The following BCAS3 variants were observed in gnomAD, a reference collection of about 807,000 sequenced individuals.
BCAS3 encodes BCAS3 microtubule associated cell migration factor.
BCAS3 carries 53 observed loss-of-function variants against 116.1 expected under a neutral mutation model. That is an observed-to-expected ratio of 0.46 (90% CI 0.37 to 0.57). The LOEUF is 0.57. BCAS3 is among the 20% of genes least tolerant of loss of function. BCAS3 has a pLI of 0.00. For missense variants in BCAS3, 917 were observed against 1,165.4 expected (o/e 0.79, Z 3.10); for synonymous variants, 391 against 408.2 (o/e 0.96, Z 0.51).
At chr17:61,374,993 A>G (rs2143571491) in intron 23 of BCAS3, among the ~76,000 whole-genome samples, 1 of 152,332 alleles carries the variant, frequency 6.6e-6, no homozygotes, top group African/African-American at 2.4e-5. Flanking sequence ...ATTACTCTGC[A>G]GAAAAGGCTT....
chr17:61,325,115 A>G lies in BCAS3; in HGVS notation c.2426-43212A>G, dbSNP rs911997655. The stretch of plus-strand genomic sequence containing the variant: ...AAAACCCCGCTCCCTCCACTGCCAA[A>G]TGAGTTGCTGATGGGAATTTTTTGA... On this transcript the variant is annotated intron_variant, in intron 22 of 23. Transcript: ENST00000407086. The surrounding 1 kb of genome is among the most constrained non-coding windows in gnomAD (Gnocchi z 6.4). 2.0e-5 allele frequency among the ~76,000 whole-genome samples: 3 copies of G among 152,190 alleles called. No individual in the cohort carries two copies. Among genetic ancestry groups the G allele is most frequent in the East Asian group, 1.9e-4 (1 of 5,180 alleles).
intron 22 of BCAS3, among the ~76,000 whole-genome samples, chr17:61,089,888 C>T (rs1286099583): frequency 6.6e-6 from 1 of 152,082 alleles, no homozygotes; most frequent in Non-Finnish European, 1.5e-5. Context: ...CCATTTCAAT[C>T]TGAGGCCTAC....
At chr17:60,989,866 G>T in intron 14 of BCAS3, 105 bp from the exon 15 acceptor site, 1 of 1,221,074 alleles carries the variant, frequency 8.2e-7, no homozygotes, top group Non-Finnish European at 1.2e-6. Flanking sequence ...AGGTACATTT[G>T]GTAATGAGGC....
At chr17:60,966,491 C>G (rs1361810290) in intron 14 of BCAS3, among the ~76,000 whole-genome samples, 1 of 151,950 alleles carries the variant, frequency 6.6e-6, no homozygotes, top group Non-Finnish European at 1.5e-5. Flanking sequence ...TTTTGTGTTA[C>G]AAGTTTTTGT....
At chr17:60,739,582 T>C (rs2041323622) in intron 5 of BCAS3, among the ~76,000 whole-genome samples, 1 of 152,120 alleles carries the variant, frequency 6.6e-6, no homozygotes, top group African/African-American at 2.4e-5. Context: ...ATCACGCCAT[T>C]GTACTCCAGC....
chr17:61,153,387 C>T (rs781206924), intron 22 of BCAS3, among the ~76,000 whole-genome samples: 9 of 152,168 alleles, frequency 5.9e-5, no homozygotes, highest in African/African-American at 1.9e-4. Context: ...TCTTGGTTCA[C>T]GTCTAGGCAA....
chr17:61,369,621 A>G (rs1389635073), intron 23 of BCAS3, among the ~76,000 whole-genome samples: 1 of 152,048 alleles, frequency 6.6e-6, no homozygotes, highest in Non-Finnish European at 1.5e-5. Flanking sequence ...CCGTTCCTTC[A>G]CTAAGACGTG....
chr17:61,232,376 T>A (rs940741448), intron 22 of BCAS3, among the ~76,000 whole-genome samples: 4 of 151,632 alleles, frequency 2.6e-5, no homozygotes, highest in Admixed American at 1.3e-4. Context: ...CTGATTGTAA[T>A]GTTTTATTTT....
intron 22 of BCAS3, among the ~76,000 whole-genome samples, chr17:61,308,250 C>G (rs570788374): frequency 6.6e-6 from 1 of 152,210 alleles, no homozygotes; most frequent in South Asian, 2.1e-4. Context: ...CATTTTACAG[C>G]CCATCATGAT....
intron 22 of BCAS3, among the ~76,000 whole-genome samples, chr17:61,283,293 A>G (rs1210874825): frequency 1.3e-5 from 2 of 152,124 alleles, no homozygotes; most frequent in Non-Finnish European, 2.9e-5. Context: ...CATCCACCAG[A>G]CATTAAGCAC....
chr17:60,860,991 T>A (rs2054110738), intron 7 of BCAS3, among the ~76,000 whole-genome samples: 2 of 152,240 alleles, frequency 1.3e-5, no homozygotes, highest in African/African-American at 4.8e-5. Flanking sequence ...TGGTCTCATA[T>A]GAATTTTAGA....
chr17:60,721,700 A>G (rs1205986628), intron 5 of BCAS3, among the ~76,000 whole-genome samples: 1 of 152,180 alleles, frequency 6.6e-6, no homozygotes, highest in African/African-American at 2.4e-5. Flanking sequence ...TTTCTGATAA[A>G]TGTTATTGAA....
chr17:61,009,584 T>A (rs889778097), intron 15 of BCAS3, among the ~76,000 whole-genome samples: 1 of 152,104 alleles, frequency 6.6e-6, no homozygotes, highest in Non-Finnish European at 1.5e-5. Context: ...TGGTAAGATA[T>A]GGAAATTTTT....
intron 22 of BCAS3, among the ~76,000 whole-genome samples, chr17:61,232,435 A>G (rs1284541392): frequency 6.6e-6 from 1 of 152,148 alleles, no homozygotes. Flanking sequence ...CAAAATCATT[A>G]TCTGGCAGGG....
rs531755402 is a variant in BCAS3 at position 61,017,498 on chromosome 17, A to T, written c.1637+1597A>T. 6.6e-6 allele frequency among the ~76,000 whole-genome samples: 1 copy of T among 152,270 alleles called. No individual in the cohort carries two copies. The highest frequency in any genetic ancestry group is 2.1e-4 in the South Asian group (1 of 4,822). On this transcript the variant is annotated intron_variant, in intron 16 of 23. Transcript: ENST00000407086. This position sits in a 1 kb window ranked among gnomAD's most constrained non-coding sequence, Gnocchi z 4.7. ...TTTAATTTTATATTCAGAGTGAGGG[A>T]AATTTAAGAAGGTTCAAAAGGCTCC...
rs2071591784 is a variant in BCAS3, at chr17:61,073,097, T to C, written c.2030-1823T>C. Among the ~76,000 whole-genome samples the C allele has an allele frequency of 6.6e-6, 1 of 152,218 alleles. No individual in the cohort carries two copies. The highest frequency in any genetic ancestry group is 1.5e-5 in the Non-Finnish European group (1 of 68,018). On this transcript the variant is annotated intron_variant, in intron 19 of 23. Transcript: ENST00000407086. This position sits in a 1 kb window ranked among gnomAD's most constrained non-coding sequence, Gnocchi z 4.6. ...TGAAAATATCATTACTTATCAGCCT[T>C]TCAATGTATATCAATTATTTCCAAA... is the stretch of plus-strand genomic sequence containing the variant.
At chr17:60,882,364 G>A (rs2056244942) in intron 9 of BCAS3, among the ~76,000 whole-genome samples, 1 of 147,050 alleles carries the variant, frequency 6.8e-6, no homozygotes, top group Non-Finnish European at 1.5e-5. Context: ...TGAGTAGGTT[G>A]CGAAAATTTT....
chr17:60,897,985 C>G (rs553987831), intron 10 of BCAS3, among the ~76,000 whole-genome samples: 1 of 151,958 alleles, frequency 6.6e-6, no homozygotes, highest in Non-Finnish European at 1.5e-5. Context: ...AGCAATCTTC[C>G]TGCCTTGACC....
rs1465937505 is a variant in BCAS3, at chr17:60,960,552, G to A, written c.1221+13200G>A. Among the ~76,000 whole-genome samples, 2 of 152,288 alleles carry A rather than the reference G, an allele frequency of 1.3e-5. No homozygotes were observed. Among genetic ancestry groups the A allele is most frequent in the African/African-American group, 4.8e-5 (2 of 41,556 alleles). ...GTTTCAAGGCCAGAGTTTCCCATCT[G>A]GCTTGAGGCACTGCCCTCCTGGACT... On this transcript the variant is annotated intron_variant, in intron 14 of 23. Coordinates refer to ENST00000407086, the MANE Select transcript of BCAS3 (RefSeq NM_017679.5). This position sits in a 1 kb window ranked among gnomAD's most constrained non-coding sequence, Gnocchi z 4.1.
Sources: allele counts gnomAD v4.1 joint callset (sites outside exome capture counted in the v4.1 genomes callset), GRCh38; gene constraint gnomAD v4.1.1; non-coding constraint Gnocchi (gnomAD v3.1); transcripts MANE v1.5; gene names NCBI Gene and HGNC (gene_info 2026-07-23, HGNC 2026-07-21).